The following ENOX1 variants were observed in gnomAD, a reference collection of about 807,000 sequenced individuals.
ENOX1 encodes candidate growth-related and time keeping constitutive hydroquinone (NADH) oxidase.
ENOX1 carries 42 observed loss-of-function variants against 82.5 expected under a neutral mutation model. That is an observed-to-expected ratio of 0.51 (90% CI 0.40 to 0.66). The LOEUF is 0.66. Among genes scored for constraint, ENOX1 ranks in the 30% least tolerant of loss-of-function variants. ENOX1 has a pLI of 0.00. For synonymous variants in ENOX1, 271 were observed against 282.2 expected (o/e 0.96, Z 0.40); for missense variants, 608 against 811.6 (o/e 0.75, Z 3.05).
chr13:43,514,387 A>T (rs961606405), intron 2 of ENOX1, among the ~76,000 whole-genome samples: 5 of 152,180 alleles, frequency 3.3e-5, no homozygotes, highest in African/African-American at 1.2e-4. Context: ...GTCTTAATAA[A>T]TTATAAAATG....
intron 3 of ENOX1, among the ~76,000 whole-genome samples, chr13:43,429,971 A>C (rs1163716096): frequency 1.3e-5 from 2 of 152,182 alleles, no homozygotes; most frequent in Non-Finnish European, 2.9e-5. Flanking sequence ...TTACAGTTTT[A>C]TGTTCTTATT....
chr13:43,499,219 G>C (rs2076893947), intron 2 of ENOX1, among the ~76,000 whole-genome samples: 1 of 151,868 alleles, frequency 6.6e-6, no homozygotes, highest in South Asian at 2.1e-4. Flanking sequence ...AAAGAAATAT[G>C]ATCTCTGTGG....
chr13:43,413,431 T>C (rs1205323894), intron 3 of ENOX1, among the ~76,000 whole-genome samples: 1 of 151,982 alleles, frequency 6.6e-6, no homozygotes, highest in African/African-American at 2.4e-5. Context: ...GTGGAATGTA[T>C]TCAGAGAGGG....
At chr13:43,295,306 C>G (rs2046228409) in intron 12 of ENOX1, among the ~76,000 whole-genome samples, 1 of 152,204 alleles carries the variant, frequency 6.6e-6, no homozygotes, top group African/African-American at 2.4e-5. Flanking sequence ...ACCATGGATA[C>G]AAGCTCTTAT....
chr13:43,383,767 C>A (rs964534968), intron 5 of ENOX1, among the ~76,000 whole-genome samples: 1 of 152,142 alleles, frequency 6.6e-6, no homozygotes, highest in Non-Finnish European at 1.5e-5. Flanking sequence ...TGTGGAGATT[C>A]TTTATTGAAA....
chr13:43,509,758 C>T (rs1168140536), intron 2 of ENOX1, among the ~76,000 whole-genome samples: 2 of 151,994 alleles, frequency 1.3e-5, no homozygotes, highest in African/African-American at 4.8e-5. Flanking sequence ...TCATTTGACA[C>T]AGGCAAACAT....
chr13:43,323,693 T>A (rs2047941616), intron 10 of ENOX1, among the ~76,000 whole-genome samples: 1 of 152,176 alleles, frequency 6.6e-6, no homozygotes, highest in South Asian at 2.1e-4. Context: ...TAAATAAAAA[T>A]CAAATAGTTA....
chr13:43,443,516 T>C (rs1467684843), intron 3 of ENOX1, among the ~76,000 whole-genome samples: 1 of 152,238 alleles, frequency 6.6e-6, no homozygotes, highest in Admixed American at 6.5e-5. Context: ...ATGTACATCA[T>C]CTACTATGCT....
At chr13:43,699,500 C>T (rs1310433986) in intron 1 of ENOX1, among the ~76,000 whole-genome samples, 5 of 152,086 alleles carry the variant, frequency 3.3e-5, no homozygotes, top group Non-Finnish European at 7.4e-5. Flanking sequence ...AAACCAGTTT[C>T]GAAAGATAAG....
At chr13:43,644,629 G>A (rs1594238468) in intron 2 of ENOX1, among the ~76,000 whole-genome samples, 1 of 152,192 alleles carries the variant, frequency 6.6e-6, no homozygotes, top group East Asian at 1.9e-4. Context: ...TTAAAGGAAG[G>A]TAGCAGCTTC....
chr13:43,534,014 G>A (rs1277628643), intron 2 of ENOX1, among the ~76,000 whole-genome samples: 1 of 152,022 alleles, frequency 6.6e-6, no homozygotes, highest in African/African-American at 2.4e-5. Flanking sequence ...AATGAGTGTG[G>A]GAATCTTTAT....
chr13:43,768,666 A>C (rs1951422649), intron 1 of ENOX1, among the ~76,000 whole-genome samples: 1 of 152,170 alleles, frequency 6.6e-6, no homozygotes, highest in African/African-American at 2.4e-5. Flanking sequence ...AAGTACTAAC[A>C]TTTCTTTAGC....
chr13:43,259,734 A>G (rs2043950126), intron 14 of ENOX1, among the ~76,000 whole-genome samples: 1 of 152,158 alleles, frequency 6.6e-6, no homozygotes, highest in Admixed American at 6.5e-5. Flanking sequence ...TCGGCCTCCC[A>G]AAGTGCTGGG....
intron 3 of ENOX1, among the ~76,000 whole-genome samples, chr13:43,475,794 C>CAAAAAAAAA (rs10624980): frequency 1.7e-4 from 12 of 70,940 alleles, no homozygotes; most frequent in African/African-American, 2.5e-4. Flanking sequence ...CATAACTGAC[C>CAAAAAAAAA]AAAAAAAAAA....
intron 5 of ENOX1, among the ~76,000 whole-genome samples, chr13:43,392,870 AAATG>A (rs1490817589): frequency 3.9e-5 from 6 of 152,172 alleles, no homozygotes; most frequent in Non-Finnish European, 7.3e-5. Context: ...TCAAAGTGTA[AAATG>A]AATGACTCTC....
At chr13:43,707,954 T>C (rs2087425670) in intron 1 of ENOX1, among the ~76,000 whole-genome samples, 1 of 151,842 alleles carries the variant, frequency 6.6e-6, no homozygotes, top group Non-Finnish European at 1.5e-5. Flanking sequence ...GTCCCCCTTA[T>C]ACTAGGAATG....
intron 1 of ENOX1, among the ~76,000 whole-genome samples, chr13:43,668,899 T>C (rs1327641120): frequency 6.6e-6 from 1 of 152,216 alleles, no homozygotes; most frequent in East Asian, 1.9e-4. Flanking sequence ...AGGAGCCAAC[T>C]ACCTTATTTC....
At chr13:43,603,239 T>C (rs756705152) in intron 2 of ENOX1, among the ~76,000 whole-genome samples, 7 of 152,038 alleles carry the variant, frequency 4.6e-5, no homozygotes, top group Non-Finnish European at 7.4e-5. Flanking sequence ...CATGCTATAT[T>C]GTCATGCTTT....
In ENOX1 at chr13:43,513,494, G is replaced by A. The variant is rs149704078; in HGVS notation, c.-218-29342C>T. Among the ~76,000 whole-genome samples the A allele has an allele frequency of 7.1e-4, 108 of 152,126 alleles. 2 individuals carry two copies. The East Asian group carries it at 0.019, about 26-fold the overall frequency. On this transcript the variant is annotated intron_variant, in intron 2 of 16. Coordinates refer to ENST00000690772, the MANE Select transcript of ENOX1 (RefSeq NM_001347969.2). ...ATCATTTATAGTTTTAATAAATACT[G>A]GACTGGGTAACTAACAACACATCCT...
Sources: allele counts gnomAD v4.1 joint callset (sites outside exome capture counted in the v4.1 genomes callset), GRCh38; gene constraint gnomAD v4.1.1; transcripts MANE v1.5; gene names NCBI Gene and HGNC (gene_info 2026-07-23, HGNC 2026-07-21).